The following KIR3DL1 variants were observed in gnomAD, a reference collection of about 807,000 sequenced individuals.
KIR3DL1 encodes the protein killer cell immunoglobulin like receptor, three Ig domains and long cytoplasmic tail 1.
Under a neutral mutation model 40.3 loss-of-function variants are expected in KIR3DL1, and 50 were observed. The ratio of observed to expected loss-of-function variants is 1.24; its 90% CI spans 0.99 to 1.57. The LOEUF (loss-of-function observed/expected upper bound fraction) is 1.57, where lower values mean the gene tolerates loss of function less well. KIR3DL1 is among the 40% of genes most tolerant of loss of function. The probability of loss-of-function intolerance (pLI) is 0.00; values close to 1 mark genes in which losing one functional copy is unlikely to be tolerated. For synonymous variants in KIR3DL1, 257 were observed against 207.2 expected (o/e 1.24, Z -2.07); for missense variants, 661 against 559.9 (o/e 1.18, Z -1.82).
At chr19:54,818,354 C>T in exon 3 of KIR3DL1, 1 of 1,605,358 alleles carries the variant, frequency 6.2e-7, no homozygotes, top group South Asian at 1.1e-5. Context: ...TGGCCCAGCG[C>T]TGTGGTGCCT....
At chr19:54,816,907 G>A (rs1300924649) in intron 1 of KIR3DL1, among the ~76,000 whole-genome samples, 2 of 129,312 alleles carry the variant, frequency 1.5e-5, no homozygotes, top group South Asian at 5.6e-4. Flanking sequence ...TGGAGGTGGA[G>A]TTATGGGCCT....
chr19:54,826,374 T>C (rs1462099868), intron 6 of KIR3DL1, among the ~76,000 whole-genome samples: 2 of 150,160 alleles, frequency 1.3e-5, no homozygotes, highest in South Asian at 2.1e-4. Context: ...CAGTGCAGTG[T>C]CACGATCTTG....
At chr19:54,819,407 G>C (rs4806569) in intron 3 of KIR3DL1, among the ~76,000 whole-genome samples, 29,037 of 134,546 alleles carry the variant, frequency 0.22, 3,462 homozygotes, top group East Asian at 0.51. Context: ...CATGCAGCCT[G>C]TCCTCTTCCA....
chr19:54,827,723 C>T (rs62124146), intron 6 of KIR3DL1, among the ~76,000 whole-genome samples: 28,121 of 150,324 alleles, frequency 0.19, 3,181 homozygotes, highest in South Asian at 0.32. Context: ...CTTCTTTGAT[C>T]CTTTATCTTA....
In KIR3DL1 at chr19:54,825,060, G is replaced by T. The variant is rs1412125541; in HGVS notation, c.982G>T (p.Glu328Ter). 3.3e-6 allele frequency: 5 copies of T among 1,528,690 alleles called. 1 individual carries two copies. The African/African-American group carries it at 4.2e-5, about 13-fold the overall frequency. 94.7% of individuals were successfully genotyped at this position (1,528,690 alleles called of 1,614,324 possible). ...TTCAAGTAGTTGGCCTTCACCCACAGAACCAAGCTCCAAATCTGGTGAGTA... is the reference window on the plus strand; with the variant it reads ...TTCAAGTAGTTGGCCTTCACCCACATAACCAAGCTCCAAATCTGGTGAGTA... Residue 328 changes from glutamate (E) to a stop codon, truncating the protein, a stop_gained, in exon 6 of 9, where the codon GAA (glutamate) becomes TAA (stop). Transcript: ENST00000391728. LOFTEE classifies it high-confidence loss of function.
At chr19:54,816,740 G>A (rs2061353747) in intron 1 of KIR3DL1, among the ~76,000 whole-genome samples, 2 of 141,826 alleles carry the variant, frequency 1.4e-5, no homozygotes, top group African/African-American at 2.7e-5. Context: ...GGAGATCTGG[G>A]CCTGGAGTGG....
At chr19:54,820,258 ACACT>A (rs1483223202) in intron 4 of KIR3DL1, among the ~76,000 whole-genome samples, 1 of 151,362 alleles carries the variant, frequency 6.6e-6, no homozygotes, top group Non-Finnish European at 1.5e-5. Context: ...GGTAAAGGAG[ACACT>A]CAGACAGACA....
chr19:54,830,191 G>A, exon 9 of KIR3DL1: 1 of 1,524,322 alleles, frequency 6.6e-7, no homozygotes, highest in Non-Finnish European at 8.9e-7. Context: ...CTTCTCAGAG[G>A]CCCAAGACAC....
At chr19:54,827,457 CA>C (rs1425262595) in intron 6 of KIR3DL1, among the ~76,000 whole-genome samples, 5 of 149,344 alleles carry the variant, frequency 3.3e-5, no homozygotes, top group Middle Eastern at 3.2e-3. Context: ...CCTAAAAATA[CA>C]AAAATTAGCC....
intron 6 of KIR3DL1, among the ~76,000 whole-genome samples, chr19:54,828,735 AT>A (rs1263422414): frequency 7.1e-6 from 1 of 140,630 alleles, no homozygotes; most frequent in African/African-American, 2.6e-5. Context: ...GTCTTAGTCC[AT>A]TTTTGTTGCT....
At chr19:54,822,501 A>G (rs1312564930) in intron 5 of KIR3DL1, among the ~76,000 whole-genome samples, 1 of 150,172 alleles carries the variant, frequency 6.7e-6, no homozygotes, top group Admixed American at 6.6e-5. Context: ...GCTGGCATGC[A>G]CCTGTAGTCC....
At chr19:54,830,054 T>C (rs754616548) in intron 8 of KIR3DL1, 45 bp from the exon 9 acceptor site, 1 of 1,520,652 alleles carries the variant, frequency 6.6e-7, no homozygotes, top group Non-Finnish European at 8.9e-7. Context: ...GCACCCTCCC[T>C]CACTCAGCAT....
At chr19:54,820,080 C>T (rs1463182462) in intron 4 of KIR3DL1, 68 bp downstream of exon 4, 22 of 1,516,140 alleles carry the variant, frequency 1.5e-5, no homozygotes, top group Middle Eastern at 1.7e-4. Flanking sequence ...GACTTGGAAC[C>T]CCCAGGTGGT....
At chr19:54,819,975 G>C in exon 4 of KIR3DL1, 1 of 1,611,400 alleles carries the variant, frequency 6.2e-7, no homozygotes, top group Non-Finnish European at 8.5e-7. Flanking sequence ...CCTATCAGTT[G>C]TCAGCTCCCA....
chr19:54,820,773 A>C (rs2061593208), intron 4 of KIR3DL1, among the ~76,000 whole-genome samples: 1 of 151,134 alleles, frequency 6.6e-6, no homozygotes, highest in Non-Finnish European at 1.5e-5. Flanking sequence ...AAAAGCCCCA[A>C]AATCAGAACC....
At chr19:54,819,913 A>C in exon 4 of KIR3DL1, 1 of 1,612,204 alleles carries the variant, frequency 6.2e-7, no homozygotes, top group South Asian at 1.1e-5. Flanking sequence ...CGGTCCCATG[A>C]TGCTTGCCCT....
intron 4 of KIR3DL1, 64 bp downstream of exon 4, chr19:54,820,076 G>C (rs2061560895): frequency 1.3e-6 from 2 of 1,533,406 alleles, no homozygotes; most frequent in East Asian, 4.6e-5. Flanking sequence ...CCAGGACTTG[G>C]AACCCCCAGG....
chr19:54,822,062 A>G (rs1297941263), intron 5 of KIR3DL1, among the ~76,000 whole-genome samples: 2 of 150,998 alleles, frequency 1.3e-5, no homozygotes, highest in East Asian at 3.9e-4. Flanking sequence ...TCAGGGCTCC[A>G]GGCACCCAGG....
In KIR3DL1 at chr19:54,830,407, C is replaced by G. The variant is rs2062165500; in HGVS notation, c.*132C>G. 2.7e-6 allele frequency: 3 copies of G among 1,096,244 alleles called. 1 individual carries two copies. The highest frequency in any genetic ancestry group is 4.0e-6 in the Non-Finnish European group (3 of 748,380). 67.9% of individuals were successfully genotyped at this position (1,096,244 alleles called of 1,614,324 possible). A position where few individuals can be genotyped will look rare whatever the true frequency, so the allele number is the denominator to read the frequency against. ...TCTTCATCTTAGGGCATCGCTCCTC[C>G]TCACGCCACAAATCTGGTGCCTCTC... On this transcript the variant is annotated 3_prime_UTR_variant, in exon 9 of 9. Coordinates refer to ENST00000391728, the Ensembl canonical transcript of KIR3DL1.
Sources: gnomAD v4.1 joint callset for allele counts (sites outside exome capture counted in the v4.1 genomes callset) on GRCh38, gnomAD v4.1.1 for gene constraint, MANE v1.5 for transcripts, NCBI Gene and HGNC (gene_info 2026-07-23, HGNC 2026-07-21) for gene names.